The following SCAMP1 variants were observed in gnomAD, a reference collection of about 807,000 sequenced individuals.
The protein encoded by SCAMP1 is secretory carrier membrane protein 1.
Under a neutral mutation model 41.8 loss-of-function variants are expected in SCAMP1, and 15 were observed. The ratio of observed to expected loss-of-function variants is 0.36; its 90% CI spans 0.24 to 0.55. The LOEUF (loss-of-function observed/expected upper bound fraction) is 0.55. Among genes scored for constraint, SCAMP1 ranks in the 20% least tolerant of loss-of-function variants. The pLI is 0.86. For missense variants in SCAMP1, 341 were observed against 412.6 expected (o/e 0.83, Z 1.50); for synonymous variants, 135 against 136.8 (o/e 0.99, Z 0.09).
chr5:78,383,933 A>T (rs1490657771), intron 1 of SCAMP1, among the ~76,000 whole-genome samples: 1 of 152,106 alleles, frequency 6.6e-6, no homozygotes, highest in Non-Finnish European at 1.5e-5. Flanking sequence ...TTGGTTCCAT[A>T]TGAATTTCAG....
At chr5:78,444,811 T>C (rs1249435291) in intron 6 of SCAMP1, among the ~76,000 whole-genome samples, 2 of 152,188 alleles carry the variant, frequency 1.3e-5, no homozygotes, top group Non-Finnish European at 1.5e-5. Flanking sequence ...ATCAGTTGCT[T>C]TCTGTGTGCC....
At chr5:78,469,913 C>CAAAAAAAAAAAAAAAA (rs1561290939) in intron 8 of SCAMP1, among the ~76,000 whole-genome samples, 41 of 23,148 alleles carry the variant, frequency 1.8e-3, no homozygotes, top group Non-Finnish European at 2.5e-3. Flanking sequence ...AAAAAAAAAA[C>CAAAAAAAAAAAAAAAA]AAAAAAAAAA....
At chr5:78,404,444 G>A (rs1406420113) in intron 2 of SCAMP1, among the ~76,000 whole-genome samples, 2 of 124,368 alleles carry the variant, frequency 1.6e-5, no homozygotes, top group South Asian at 2.5e-4. Context: ...ACTGTGCCCA[G>A]CCTTACAGGT....
chr5:78,371,579 A>G lies in SCAMP1; in HGVS notation c.57+10851A>G, dbSNP rs145472439. On this transcript the variant is annotated intron_variant, in intron 1 of 8. Transcript: ENST00000621999. ...TAGTCACCAGGTTTTCTGAGTATAT[A>G]TTAACTTGTCCGGCTTCTAAAATTG... 2.6e-3 allele frequency among the ~76,000 whole-genome samples: 391 copies of G among 152,312 alleles called. 1 individual carries two copies. Among genetic ancestry groups the G allele is most frequent in the Non-Finnish European group, 3.6e-3 (247 of 68,002 alleles).
chr5:78,469,937 A>AAAAAAAAAAAAAG (rs1753844752), intron 8 of SCAMP1, among the ~76,000 whole-genome samples: 6 of 20,376 alleles, frequency 2.9e-4, no homozygotes, highest in Non-Finnish European at 5.0e-4. Context: ...AAAAAACAAC[A>AAAAAAAAAAAAAG]ACACAGCCCA....
chr5:78,431,116 T>C (rs1011158674), intron 6 of SCAMP1, among the ~76,000 whole-genome samples: 15 of 151,970 alleles, frequency 9.9e-5, no homozygotes, highest in African/African-American at 3.6e-4. Flanking sequence ...GTATAACAGA[T>C]TGAGTGCAGA....
At chr5:78,400,549 T>G (rs1751772030) in intron 2 of SCAMP1, among the ~76,000 whole-genome samples, 1 of 152,226 alleles carries the variant, frequency 6.6e-6, no homozygotes, top group Non-Finnish European at 1.5e-5. Flanking sequence ...TTTTGTAGTT[T>G]TTCACATATA....
rs1754072503 is a variant in SCAMP1, at chr5:78,479,119, AC to A, written c.*3452del. On this transcript the variant is annotated 3_prime_UTR_variant, in exon 9 of 9. Transcript: ENST00000621999. ...TGACTGTTTATATACAGAATTTGTT[AC>A]ATTTTGAGCATTTTTTCCCCTGCTT... 1 of 152,158 alleles carries A rather than the reference AC, an allele frequency of 6.6e-6. No individual in the cohort carries two copies. Among genetic ancestry groups the A allele is most frequent in the African/African-American group, 2.4e-5 (1 of 41,464 alleles). The allele number at this position is 152,158 out of a possible 1,614,324, so 9.4% of individuals were successfully genotyped here.
chr5:78,405,752 G>T (rs1419915877), intron 2 of SCAMP1, among the ~76,000 whole-genome samples: 1 of 152,168 alleles, frequency 6.6e-6, no homozygotes, highest in Non-Finnish European at 1.5e-5. Flanking sequence ...AATGTTTGAT[G>T]AATGTATGAA....
intron 6 of SCAMP1, among the ~76,000 whole-genome samples, chr5:78,438,111 T>C (rs1034171153): frequency 6.6e-5 from 10 of 152,228 alleles, no homozygotes; most frequent in Admixed American, 6.5e-4. Context: ...TCTTTTCTTC[T>C]TTATCAGTCT....
chr5:78,460,807 C>CCTTCCTTCTTTCTTTCTT, intron 8 of SCAMP1, among the ~76,000 whole-genome samples: 1 of 26,646 alleles, frequency 3.8e-5, no homozygotes, highest in Non-Finnish European at 1.1e-4. Flanking sequence ...CTTCCTTCCT[C>CCTTCCTTCTTTCTTTCTT]CCTTCCTTCC....
chr5:78,420,598 G>GA (rs1244963599), intron 5 of SCAMP1, among the ~76,000 whole-genome samples: 1 of 152,104 alleles, frequency 6.6e-6, no homozygotes, highest in Admixed American at 6.5e-5. Context: ...TTTAAAGTGG[G>GA]AAAAGCTCCT....
At chr5:78,394,844 T>C (rs942123754) in intron 2 of SCAMP1, among the ~76,000 whole-genome samples, 2 of 152,240 alleles carry the variant, frequency 1.3e-5, no homozygotes, top group Non-Finnish European at 1.5e-5. Flanking sequence ...TCTTTGGCGC[T>C]AACAGCTTCT....
chr5:78,419,385 G>A (rs192788295), intron 5 of SCAMP1, among the ~76,000 whole-genome samples: 2 of 152,182 alleles, frequency 1.3e-5, no homozygotes, highest in Admixed American at 1.3e-4. Flanking sequence ...GTTTTCAATT[G>A]CGATACTTTT....
intron 1 of SCAMP1, among the ~76,000 whole-genome samples, chr5:78,378,357 A>G (rs780159266): frequency 1.3e-5 from 2 of 152,202 alleles, no homozygotes; most frequent in Admixed American, 6.5e-5. Flanking sequence ...GATTGAGTCA[A>G]TCTCCTTATT....
chr5:78,419,834 GT>G (rs1397196946), intron 5 of SCAMP1, among the ~76,000 whole-genome samples: 3 of 152,100 alleles, frequency 2.0e-5, no homozygotes, highest in East Asian at 1.9e-4. Flanking sequence ...TGTGAGAAGT[GT>G]TTCCTAATGG....
intron 8 of SCAMP1, among the ~76,000 whole-genome samples, chr5:78,475,044 A>G (rs1199911741): frequency 6.6e-6 from 1 of 152,190 alleles, no homozygotes; most frequent in Non-Finnish European, 1.5e-5. Flanking sequence ...ATTAAATGAT[A>G]AAATGATCTC....
At chr5:78,436,477 G>A (rs980829126) in intron 6 of SCAMP1, among the ~76,000 whole-genome samples, 27 of 152,314 alleles carry the variant, frequency 1.8e-4, no homozygotes, top group Middle Eastern at 3.4e-3. Context: ...TTATTAAATA[G>A]GGAATCCTTT....
intron 1 of SCAMP1, among the ~76,000 whole-genome samples, chr5:78,362,895 CT>C (rs397962842): frequency 8.3e-4 from 113 of 136,558 alleles, no homozygotes; most frequent in East Asian, 1.9e-3. Flanking sequence ...TCTTTTTTTA[CT>C]TTTTTTTTTT....
Sources: allele counts gnomAD v4.1 joint callset (sites outside exome capture counted in the v4.1 genomes callset), GRCh38; gene constraint gnomAD v4.1.1; transcripts MANE v1.5; gene names NCBI Gene and HGNC (gene_info 2026-07-23, HGNC 2026-07-21).